The following PIK3C2G variants were observed in gnomAD, a reference collection of about 807,000 sequenced individuals.
PIK3C2G encodes phosphatidylinositol-4-phosphate 3-kinase catalytic subunit type 2 gamma, also known as phosphatidylinositol 3-kinase C2 domain-containing subunit gamma.
A neutral mutation model predicts 181.1 loss-of-function variants in PIK3C2G; 168 were observed. The ratio of observed to expected loss-of-function variants is 0.93; its 90% CI spans 0.82 to 1.05. PIK3C2G has a LOEUF of 1.05. PIK3C2G is among the 50% of genes least tolerant of loss of function. The pLI, the probability that PIK3C2G is intolerant of heterozygous loss-of-function variation, is 0.00. For synonymous variants in PIK3C2G, 573 were observed against 592.2 expected (o/e 0.97, Z 0.47); for missense variants, 1,869 against 1,732.8 (o/e 1.08, Z -1.40).
chr12:18,310,429 T>G (rs112065502), intron 5 of PIK3C2G, among the ~76,000 whole-genome samples: 1 of 152,012 alleles, frequency 6.6e-6, no homozygotes, highest in African/African-American at 2.4e-5. Context: ...TTAACTTTTT[T>G]AATCAACTAA....
the PIK3C2G span, chr12:18,713,830 A>G: frequency 7.9e-5 from 12 of 152,210 alleles, no homozygotes; most frequent in Admixed American, 7.9e-4. Flanking sequence ...TTCTACCTAA[A>G]AAATAAATAT....
chr12:18,257,335 T>G (rs958959407), upstream of PIK3C2G, among the ~76,000 whole-genome samples: 3 of 152,160 alleles, frequency 2.0e-5, no homozygotes, highest in Admixed American at 2.0e-4. Flanking sequence ...GCAGGAAAGA[T>G]TCATTTAACA....
At chr12:18,504,326 C>T (rs1158903218) in intron 23 of PIK3C2G, among the ~76,000 whole-genome samples, 1 of 152,124 alleles carries the variant, frequency 6.6e-6, no homozygotes, top group Non-Finnish European at 1.5e-5. Flanking sequence ...TTTAGCTGTT[C>T]CCAAAATTAT....
chr12:18,590,758 T>C (rs919793567), intron 29 of PIK3C2G, among the ~76,000 whole-genome samples: 2 of 151,982 alleles, frequency 1.3e-5, no homozygotes, highest in East Asian at 1.9e-4. Flanking sequence ...ACCTTCTTCA[T>C]CTCTTTTATT....
At chr12:18,657,373 G>A in the PIK3C2G span, among the ~76,000 whole-genome samples, 3 of 152,100 alleles carry the variant, frequency 2.0e-5, no homozygotes, top group African/African-American at 7.2e-5. Flanking sequence ...TACCTGAGAA[G>A]ATCCAGAGCT....
chr12:18,417,747 TAAAAAAAACAA>T (rs376789334), intron 16 of PIK3C2G, among the ~76,000 whole-genome samples: 1,671 of 122,098 alleles, frequency 0.014, 31 homozygotes, highest in African/African-American at 0.047. Flanking sequence ...TTACATACAT[TAAAAAAAACAA>T]AAAAAAAATG....
chr12:18,265,234 T>C (rs1948432517), intron 1 of PIK3C2G, among the ~76,000 whole-genome samples: 1 of 152,222 alleles, frequency 6.6e-6, no homozygotes, highest in South Asian at 2.1e-4. Flanking sequence ...TCCTTGATAC[T>C]TGGTTTCTGA....
chr12:18,286,440 G>A (rs1949447300), intron 2 of PIK3C2G, among the ~76,000 whole-genome samples: 1 of 152,062 alleles, frequency 6.6e-6, no homozygotes, highest in South Asian at 2.1e-4. Flanking sequence ...CCTTTGATAT[G>A]TGTGATAGCA....
At chr12:18,313,587 CT>C (rs1591921049) in intron 5 of PIK3C2G, among the ~76,000 whole-genome samples, 1 of 151,944 alleles carries the variant, frequency 6.6e-6, no homozygotes, top group Admixed American at 6.6e-5. Flanking sequence ...CTGTCATCAG[CT>C]TTGAACCCTG....
chr12:18,364,538 A>G (rs1941501415), intron 12 of PIK3C2G, among the ~76,000 whole-genome samples: 1 of 152,156 alleles, frequency 6.6e-6, no homozygotes, highest in Admixed American at 6.5e-5. Flanking sequence ...GCAGCACCAG[A>G]CAAAGGGTCC....
the PIK3C2G span, among the ~76,000 whole-genome samples, chr12:18,711,217 A>C: frequency 1.3e-5 from 2 of 151,862 alleles, no homozygotes; most frequent in Non-Finnish European, 2.9e-5. Context: ...AAAAATGAAG[A>C]GTTCATGTCC....
chr12:18,601,850 G>A (rs1333399907), intron 30 of PIK3C2G, among the ~76,000 whole-genome samples: 3 of 152,240 alleles, frequency 2.0e-5, no homozygotes, highest in Admixed American at 6.5e-5. Flanking sequence ...CGGGCTTAGG[G>A]AAATACAGGG....
chr12:18,382,706 T>C (rs1942922004), intron 14 of PIK3C2G, among the ~76,000 whole-genome samples: 1 of 152,168 alleles, frequency 6.6e-6, no homozygotes, highest in Non-Finnish European at 1.5e-5. Flanking sequence ...CCTGAGGCAC[T>C]TTCTCATTCT....
the PIK3C2G span, among the ~76,000 whole-genome samples, chr12:18,707,872 T>A: frequency 4.6e-5 from 7 of 152,320 alleles, no homozygotes; most frequent in Admixed American, 3.3e-4. Context: ...TGGGTGTTTT[T>A]AAATGCATTT....
At chr12:18,497,555 T>C in intron 21 of PIK3C2G, 64 bp from the exon 22 acceptor site, 1 of 1,366,370 alleles carries the variant, frequency 7.3e-7, no homozygotes, top group Non-Finnish European at 1.0e-6. Context: ...ATGTACTGTA[T>C]TTGACTGCTT....
chr12:18,505,523 T>C, intron 24 of PIK3C2G, 62 bp downstream of exon 24: 1 of 1,210,098 alleles, frequency 8.3e-7, no homozygotes, highest in Non-Finnish European at 1.1e-6. Flanking sequence ...GTATAACATG[T>C]AATTGCATAG....
chr12:18,286,872 T>C lies in PIK3C2G; in HGVS notation c.704T>C (p.Val235Ala). 1 of 1,568,920 alleles carries C rather than the reference T, an allele frequency of 6.4e-7. No homozygotes were observed. The highest frequency in any genetic ancestry group is 8.7e-7 in the Non-Finnish European group (1 of 1,154,998). The change falls in exon 3 of 33, where the codon GTG (valine) becomes GCG (alanine). Residue 235 changes from valine (V) to alanine (A), a missense_variant. Physicochemically the swap from Val to Ala is moderately conservative, Grantham distance 64 (BLOSUM62 0). Transcript: ENST00000538779. ...IESIGCSIQLVEVPQSSNTSL... is the reference protein window; with the variant it reads ...IESIGCSIQLAEVPQSSNTSL... ...TCAATAGGTTGTTCCATTCAGCTAGTGGAAGTACCTCAAAGCAGCAATACG... is the reference window on the plus strand; with the variant it reads ...TCAATAGGTTGTTCCATTCAGCTAGCGGAAGTACCTCAAAGCAGCAATACG...
intron 14 of PIK3C2G, among the ~76,000 whole-genome samples, chr12:18,390,396 C>A (rs1465354663): frequency 6.6e-6 from 1 of 151,948 alleles, no homozygotes; most frequent in Non-Finnish European, 1.5e-5. Flanking sequence ...CCTATGGAGC[C>A]CTAGAATATC....
At chr12:18,469,624 C>T (rs1323925298) in intron 18 of PIK3C2G, among the ~76,000 whole-genome samples, 1 of 151,404 alleles carries the variant, frequency 6.6e-6, no homozygotes, top group Non-Finnish European at 1.5e-5. Flanking sequence ...AACTAATTTC[C>T]CCAAATTTCT....
Sources: allele counts gnomAD v4.1 joint callset (sites outside exome capture counted in the v4.1 genomes callset), GRCh38; gene constraint gnomAD v4.1.1; transcripts MANE v1.5; gene names NCBI Gene and HGNC (gene_info 2026-07-23, HGNC 2026-07-21).